Variants in AK8 observed in about 807,000 individuals in gnomAD.
AK8 encodes the protein ATP-AMP transphosphorylase 8.
Under a neutral mutation model 54.6 loss-of-function variants are expected in AK8, and 44 were observed. The ratio of observed to expected loss-of-function variants is 0.81; its 90% CI spans 0.63 to 1.04. The LOEUF (loss-of-function observed/expected upper bound fraction) is 1.04. Ranked by LOEUF, AK8 falls within the 50% of genes least tolerant of loss-of-function variation. The probability of loss-of-function intolerance (pLI) is 0.00; values close to 1 mark genes in which losing one functional copy is unlikely to be tolerated. For missense variants in AK8, 555 were observed against 613.6 expected (o/e 0.90, Z 1.01); for synonymous variants, 239 against 245.6 (o/e 0.97, Z 0.25).
chr9:132,807,581 C>T (rs376402242), intron 10 of AK8, among the ~76,000 whole-genome samples: 4 of 152,270 alleles, frequency 2.6e-5, no homozygotes, highest in East Asian at 1.9e-4. Flanking sequence ...GCTGAAGAGC[C>T]GGCGTTGTAC....
rs1189385182 is a variant in AK8, at chr9:132,792,945, G to A, written c.980-170C>T. Among the ~76,000 whole-genome samples the A allele has an allele frequency of 3.9e-5, 6 of 152,206 alleles. No individual in the cohort carries two copies. The East Asian group carries it at 5.8e-4, about 15-fold the overall frequency. ...GTGCCTATTTCCCAGGTCCCTCCTC[G>A]GTCCCAGCAACGGGGCTGCGTGAGA... On this transcript the variant is annotated intron_variant, in intron 10 of 12. Coordinates refer to ENST00000298545, the MANE Select transcript of AK8 (RefSeq NM_152572.3).
rs186781869 is a variant in AK8, at chr9:132,751,256, C to T, written c.1122-23722G>A. Among the ~76,000 whole-genome samples, 7 of 151,284 alleles carry T rather than the reference C, an allele frequency of 4.6e-5. No homozygotes were observed. The East Asian group carries it at 7.8e-4, about 17-fold the overall frequency. Reference sequence around the variant, plus strand: ...AAAATTAGCCGGGCGTGGTGGTGCACGCCTGTAATCCCAGCTACTCAGGAG... The same window carrying T: ...AAAATTAGCCGGGCGTGGTGGTGCATGCCTGTAATCCCAGCTACTCAGGAG... On this transcript the variant is annotated intron_variant, in intron 11 of 12. Coordinates refer to ENST00000298545, the MANE Select transcript of AK8 (RefSeq NM_152572.3).
intron 4 of AK8, among the ~76,000 whole-genome samples, chr9:132,858,584 C>T (rs1054459000): frequency 2.0e-5 from 3 of 152,248 alleles, no homozygotes; most frequent in African/African-American, 7.2e-5. Context: ...CCCACACCCC[C>T]CTTCTCCATA....
chr9:132,866,197 G>GA (rs898812654), intron 3 of AK8, among the ~76,000 whole-genome samples: 15 of 151,890 alleles, frequency 9.9e-5, no homozygotes, highest in African/African-American at 3.1e-4. Context: ...TACTCTGTCT[G>GA]AAAAAACAAA....
intron 11 of AK8, 133 bp downstream of exon 11, chr9:132,792,501 T>G: frequency 7.7e-7 from 1 of 1,297,644 alleles, no homozygotes; most frequent in Non-Finnish European, 1.0e-6. Flanking sequence ...TGGGTGGGAA[T>G]GGGGATGACC....
intron 10 of AK8, among the ~76,000 whole-genome samples, chr9:132,802,557 G>A (rs1840511816): frequency 6.6e-6 from 1 of 152,122 alleles, no homozygotes; most frequent in Non-Finnish European, 1.5e-5. Context: ...CAGCCCCACG[G>A]AGAGGCTGTG....
intron 11 of AK8, among the ~76,000 whole-genome samples, chr9:132,731,349 G>A (rs756232644): frequency 1.6e-4 from 25 of 152,138 alleles, no homozygotes; most frequent in Non-Finnish European, 3.1e-4. Context: ...GGATGAAGGA[G>A]CTCCTAGCAA....
At chr9:132,773,771 G>A (rs751864859) in intron 11 of AK8, among the ~76,000 whole-genome samples, 10 of 152,146 alleles carry the variant, frequency 6.6e-5, no homozygotes, top group Non-Finnish European at 1.5e-4. Flanking sequence ...TTCCCATCAC[G>A]AGAAAAATAT....
At chr9:132,872,637 C>CA (rs1666949390) in intron 2 of AK8, among the ~76,000 whole-genome samples, 1 of 125,818 alleles carries the variant, frequency 7.9e-6, no homozygotes, top group Non-Finnish European at 1.9e-5. Context: ...CTTTCAAGCA[C>CA]ATTTTTTTTT....
At chr9:132,775,059 G>A (rs1839151396) in intron 11 of AK8, among the ~76,000 whole-genome samples, 1 of 152,166 alleles carries the variant, frequency 6.6e-6, no homozygotes, top group Non-Finnish European at 1.5e-5. Context: ...AGGAAATGGA[G>A]AACAGTCATC....
At chr9:132,764,236 G>A (rs1838617761) in intron 11 of AK8, among the ~76,000 whole-genome samples, 1 of 152,102 alleles carries the variant, frequency 6.6e-6, no homozygotes, top group Non-Finnish European at 1.5e-5. Flanking sequence ...CTTGAGCCTG[G>A]GAGGTAGACG....
intron 8 of AK8, among the ~76,000 whole-genome samples, chr9:132,825,336 TCAGA>T (rs1402114191): frequency 6.6e-6 from 1 of 152,228 alleles, no homozygotes; most frequent in Non-Finnish European, 1.5e-5. Context: ...TAATTAATAT[TCAGA>T]CACTCACATT....
intron 11 of AK8, among the ~76,000 whole-genome samples, chr9:132,744,275 A>C (rs1301870461): frequency 2.6e-5 from 4 of 152,220 alleles, no homozygotes; most frequent in Non-Finnish European, 4.4e-5. Flanking sequence ...CGTGGTTGTT[A>C]AACCCACACT....
chr9:132,859,351 C>T (rs1428290116), intron 4 of AK8, among the ~76,000 whole-genome samples: 1 of 152,082 alleles, frequency 6.6e-6, no homozygotes, highest in East Asian at 1.9e-4. Context: ...ACCTCCCAGG[C>T]TCAGCCTCCC....
At chr9:132,836,391 C>CTT (rs1797311041) in intron 5 of AK8, among the ~76,000 whole-genome samples, 1 of 152,168 alleles carries the variant, frequency 6.6e-6, no homozygotes. Flanking sequence ...GAACGATCTT[C>CTT]TTTTTCTCTA....
chr9:132,878,473 A>G (rs1844262310), upstream of AK8: 5 of 1,215,000 alleles, frequency 4.1e-6, no homozygotes, highest in Non-Finnish European at 5.1e-6. This position sits in a 1 kb window ranked among gnomAD's most constrained non-coding sequence, Gnocchi z 4.7. Context: ...CGCTTTTCCC[A>G]TTTGCGCATC....
At chr9:132,736,665 G>C (rs540297568) in intron 11 of AK8, among the ~76,000 whole-genome samples, 46 of 151,094 alleles carry the variant, frequency 3.0e-4, no homozygotes, top group Non-Finnish European at 2.8e-4. Context: ...GGCGCCCGTA[G>C]TCCCAGCTAC....
chr9:132,867,021 C>T (rs1358400672), intron 2 of AK8, 68 bp from the exon 3 acceptor site: 4 of 1,451,620 alleles, frequency 2.8e-6, no homozygotes, highest in East Asian at 2.3e-5. Flanking sequence ...CTGCGGTACT[C>T]GGGGTGTACT....
rs1372475683 is a variant in AK8, at chr9:132,782,513, A to C, written c.1121+10121T>G. On this transcript the variant is annotated intron_variant, in intron 11 of 12. Coordinates refer to ENST00000298545, the MANE Select transcript of AK8 (RefSeq NM_152572.3). The stretch of plus-strand genomic sequence containing the variant: ...GACACCAGCCTGACCAACATGGTGA[A>C]ACCCCGTCTCTACTAAAAATACAAA... Among the ~76,000 whole-genome samples the C allele has an allele frequency of 1.8e-4, 27 of 152,120 alleles. 1 individual carries two copies. Among genetic ancestry groups the C allele is most frequent in the Admixed American group, 1.8e-3 (27 of 15,276 alleles).
Sources: allele counts gnomAD v4.1 joint callset (sites outside exome capture counted in the v4.1 genomes callset), GRCh38; gene constraint gnomAD v4.1.1; non-coding constraint Gnocchi (gnomAD v3.1); transcripts MANE v1.5; gene names NCBI Gene and HGNC (gene_info 2026-07-23, HGNC 2026-07-21).